ZBTB25: variants seen among roughly 807,000 people sequenced by gnomAD.
The protein encoded by ZBTB25 is zinc finger and BTB domain containing 25.
Under a neutral mutation model 34.2 loss-of-function variants are expected in ZBTB25, and 20 were observed. That is an observed-to-expected ratio of 0.58 (90% CI 0.41 to 0.85). The LOEUF (loss-of-function observed/expected upper bound fraction) is 0.85. ZBTB25 is among the 40% of genes least tolerant of loss of function. ZBTB25 has a pLI of 0.00. For missense variants in ZBTB25, 437 were observed against 521.8 expected, an observed-to-expected ratio of 0.84 and a Z score of 1.58; for synonymous variants, 175 against 186.4, an observed-to-expected ratio of 0.94 and a Z score of 0.50.
At chr14:64,503,449 T>A in intron 1 of ZBTB25, 1 of 985,186 alleles carries the variant, frequency 1.0e-6, no homozygotes. Flanking sequence ...CAGCAAAGGG[T>A]GGTTCTGGGT....
chr14:64,495,757 G>C (rs371804171), intron 1 of ZBTB25, among the ~76,000 whole-genome samples: 1 of 152,262 alleles, frequency 6.6e-6, no homozygotes. Flanking sequence ...GGGAGTTCGA[G>C]ACCAGCCTGG....
chr14:64,504,490 TGAGAGGGGC>T (rs1222431348), upstream of ZBTB25: 2 of 158,768 alleles, frequency 1.3e-5, no homozygotes, highest in African/African-American at 4.8e-5. Context: ...AGCCTACCCT[TGAGAGGGGC>T]AAGAGGGGTG....
At position 64,480,206 on chromosome 14, in the gene ZBTB25, T is replaced by A. The variant is rs919961785; in HGVS notation, c.*6717A>T. The A allele has an allele frequency of 2.5e-5, 6 of 243,876 alleles. No individual in the cohort carries two copies. The highest frequency in any genetic ancestry group is 4.1e-5 in the Non-Finnish European group (5 of 121,320). The allele number at this position is 243,876 out of a possible 1,614,324, so 15.1% of individuals were successfully genotyped here. A position where few individuals can be genotyped will look rare whatever the true frequency, so the allele number is the denominator to read the frequency against. On this transcript the variant is annotated 3_prime_UTR_variant, in exon 3 of 3. Transcript: ENST00000608382. ...AGTGTAGTGGTGGGAACCTGTAATC[T>A]CAGCTACTCGGGAGGCTGAGGCAGG...
chr14:64,502,552 C>A, intron 1 of ZBTB25: 12 of 825,052 alleles, frequency 1.5e-5, no homozygotes, highest in Non-Finnish European at 1.8e-5. Context: ...TCCAAAAATA[C>A]ACCATAGGCG....
rs1485401483 is a variant in ZBTB25 at position 64,487,520 on chromosome 14, T to C, written c.711A>G (p.Ile237Met). Residue 237 changes from isoleucine to methionine, a missense_variant, in exon 3 of 3, where the codon ATA becomes ATG. Physicochemically the swap from Ile to Met is conservative, Grantham distance 10. Coordinates refer to ENST00000608382, the MANE Select transcript of ZBTB25 (RefSeq NM_006977.5). ...GTTCCCCACAGTAATGGCATAAGTG[T>C]ATTTTGACACTGTTTTCAGTAAAAG... ...GPTFTENSVK[I>M]HLCHYCGERF... 1.2e-6 allele frequency: 2 copies of C among 1,613,134 alleles called. No homozygotes were observed. The highest frequency in any genetic ancestry group is 1.7e-6 in the Non-Finnish European group (2 of 1,179,218).
chr14:64,498,227 T>C (rs2079346846), intron 1 of ZBTB25, among the ~76,000 whole-genome samples: 1 of 152,174 alleles, frequency 6.6e-6, no homozygotes, highest in Non-Finnish European at 1.5e-5. Context: ...AAACCTTCTA[T>C]GCAGAGCTGT....
chr14:64,503,598 G>A (rs2079571472), intron 1 of ZBTB25, 63 bp downstream of exon 1: 4 of 985,620 alleles, frequency 4.1e-6, no homozygotes, highest in Non-Finnish European at 3.6e-6. Flanking sequence ...GCCGCCCTGG[G>A]TGGCTCGCGG....
rs1287475510 is a variant in ZBTB25 at position 64,486,567 on chromosome 14, T to C, written c.*356A>G. The stretch of plus-strand genomic sequence containing the variant: ...GCAGAAGTGATAGTTTAGAATATGC[T>C]TTAAAACAGATTTCATTTACTTTAT... On this transcript the variant is annotated 3_prime_UTR_variant, in exon 3 of 3. Transcript: ENST00000608382. The C allele has an allele frequency of 8.5e-6, 8 of 944,674 alleles. No homozygotes were observed. Among genetic ancestry groups the C allele is most frequent in the Admixed American group, 5.8e-5 (1 of 17,280 alleles). 58.5% of individuals were successfully genotyped at this position (944,674 alleles called of 1,614,324 possible).
At chr14:64,472,251 T>C (rs1008038365) in intron 2 of ZBTB25, 5 of 167,052 alleles carry the variant, frequency 3.0e-5, no homozygotes, top group Non-Finnish European at 7.3e-5. Flanking sequence ...CTGACTAAGG[T>C]TGGTGCATTT....
In ZBTB25 at chr14:64,486,227, G is replaced by A. The variant is rs562833361; in HGVS notation, c.*696C>T. ...TGAGGCAGGAGAATGGCGTGAACCC[G>A]GGAGGCGGAGCTTGCAGTCAGCCGA... is the stretch of plus-strand genomic sequence containing the variant. On this transcript the variant is annotated 3_prime_UTR_variant, in exon 3 of 3. Coordinates refer to ENST00000608382, the MANE Select transcript of ZBTB25 (RefSeq NM_006977.5). 55 of 876,986 alleles carry A rather than the reference G, an allele frequency of 6.3e-5. No homozygotes were observed. In the South Asian group the frequency reaches 1.3e-3, roughly 20 times the overall value. The allele number at this position is 876,986 out of a possible 1,614,324, so 54.3% of individuals were successfully genotyped here.
intron 2 of ZBTB25, among the ~76,000 whole-genome samples, chr14:64,464,735 G>A (rs915835665): frequency 4.6e-5 from 7 of 152,158 alleles, no homozygotes; most frequent in African/African-American, 1.7e-4. Flanking sequence ...CCCTCATAGG[G>A]AATGTCCTGA....
chr14:64,464,486 T>C (rs968600584), intron 2 of ZBTB25, among the ~76,000 whole-genome samples: 1 of 152,196 alleles, frequency 6.6e-6, no homozygotes, highest in African/African-American at 2.4e-5. Flanking sequence ...CTGTGGAAAC[T>C]ACAGAATCTT....
At chr14:64,469,138 C>G (rs2078641184) in intron 2 of ZBTB25, 1 of 1,613,986 alleles carries the variant, frequency 6.2e-7, no homozygotes. Context: ...AGCAAGCAAG[C>G]CCACTTGAAA....
In ZBTB25 at chr14:64,490,529, T is replaced by G; in HGVS notation, c.5A>C (p.Asp2Ala). Residue 2 changes from aspartate to alanine, a missense_variant, in exon 2 of 3, where the codon GAC (aspartate) becomes GCC (alanine). Physicochemically the swap from Asp to Ala is moderately radical, Grantham distance 126. Transcript: ENST00000608382. M[D>A]TASHSLVLLQ... ...AAGAACAAGGCTATGGCTGGCAGTG[T>G]CCATTGTGGTTCTGAAAAAAAGGAC... 2.5e-6 allele frequency: 4 copies of G among 1,609,572 alleles called. No individual in the cohort carries two copies. The highest frequency in any genetic ancestry group is 3.4e-6 in the Non-Finnish European group (4 of 1,177,532).
chr14:64,501,044 CTG>C (rs1035620919), intron 1 of ZBTB25, among the ~76,000 whole-genome samples: 75 of 152,186 alleles, frequency 4.9e-4, no homozygotes, highest in Admixed American at 1.9e-3. Flanking sequence ...GAGGTAGACT[CTG>C]TCTCAAAAAA....
intron 1 of ZBTB25, among the ~76,000 whole-genome samples, chr14:64,500,698 G>A (rs891447462): frequency 2.0e-5 from 3 of 151,814 alleles, no homozygotes; most frequent in African/African-American, 7.3e-5. Context: ...GGGAGGCTGA[G>A]GCAGAAGAAT....
intron 2 of ZBTB25, chr14:64,458,107 T>A (rs1000339816): frequency 2.2e-5 from 20 of 897,328 alleles, no homozygotes; most frequent in Non-Finnish European, 3.8e-5. Flanking sequence ...CCCAGGGTGG[T>A]TTAGAACTCC....
chr14:64,468,675 C>T, intron 2 of ZBTB25: 1 of 1,614,064 alleles, frequency 6.2e-7, no homozygotes, highest in Non-Finnish European at 8.5e-7. Flanking sequence ...AGGTCAGAGT[C>T]TTCAAAGCAG....
chr14:64,458,098 C>A, intron 2 of ZBTB25: 1 of 821,624 alleles, frequency 1.2e-6, no homozygotes, highest in Non-Finnish European at 2.2e-6. Context: ...ACTATGTTGC[C>A]CAGGGTGGTT....
Sources: gnomAD v4.1 joint callset for allele counts (sites outside exome capture counted in the v4.1 genomes callset) on GRCh38, gnomAD v4.1.1 for gene constraint, MANE v1.5 for transcripts, NCBI Gene and HGNC (gene_info 2026-07-23, HGNC 2026-07-21) for gene names.